The following ARID5B variants were observed in gnomAD, a reference collection of about 807,000 sequenced individuals.
ARID5B encodes AT-rich interaction domain 5B.
ARID5B carries 13 observed loss-of-function variants against 97.2 expected under a neutral mutation model. The ratio of observed to expected loss-of-function variants is 0.13; its 90% confidence interval spans 0.09 to 0.21. The LOEUF (loss-of-function observed/expected upper bound fraction) is 0.21, where lower values mean the gene tolerates loss of function less well. ARID5B is among the 10% of genes least tolerant of loss of function. The pLI is 1.00. For synonymous variants in ARID5B, 556 were observed against 570.3 expected, an observed-to-expected ratio of 0.97 and a Z score of 0.36; for missense variants, 1,210 against 1,465.3, an observed-to-expected ratio of 0.83 and a Z score of 2.84.
intron 4 of ARID5B, among the ~76,000 whole-genome samples, chr10:62,047,949 T>C (rs939005604): frequency 3.9e-5 from 6 of 152,132 alleles, no homozygotes; most frequent in Admixed American, 2.6e-4. Flanking sequence ...CCCCGTACTT[T>C]GAATATTTGT....
At chr10:62,075,797 G>A (rs925884267) in intron 8 of ARID5B, among the ~76,000 whole-genome samples, 1 of 152,232 alleles carries the variant, frequency 6.6e-6, no homozygotes, top group Non-Finnish European at 1.5e-5. Flanking sequence ...GGCAGTGTCA[G>A]TCTATCAACA....
intron 4 of ARID5B, among the ~76,000 whole-genome samples, chr10:62,050,217 A>C (rs1473902671): frequency 6.6e-6 from 1 of 152,232 alleles, no homozygotes; most frequent in Non-Finnish European, 1.5e-5. Flanking sequence ...AATAAGCCTT[A>C]AGATCTTCAT....
chr10:61,959,413 A>C (rs1412603836), intron 3 of ARID5B, among the ~76,000 whole-genome samples: 1 of 152,184 alleles, frequency 6.6e-6, no homozygotes, highest in South Asian at 2.1e-4. Context: ...AGTGTTTGGC[A>C]GGAGATATAC....
chr10:62,003,287 G>A (rs1839104504), intron 4 of ARID5B, among the ~76,000 whole-genome samples: 1 of 152,152 alleles, frequency 6.6e-6, no homozygotes, highest in Admixed American at 6.6e-5. Context: ...CAATGATTAA[G>A]TATTTGATGA....
chr10:62,036,492 G>C (rs1250461411), intron 4 of ARID5B, among the ~76,000 whole-genome samples: 2 of 152,214 alleles, frequency 1.3e-5, no homozygotes, highest in African/African-American at 4.8e-5. Context: ...ATTTGGGTCT[G>C]AGCAAACAGC....
chr10:62,036,442 T>G (rs1322090807), intron 4 of ARID5B, among the ~76,000 whole-genome samples: 11 of 152,252 alleles, frequency 7.2e-5, no homozygotes, highest in Non-Finnish European at 1.5e-4. Context: ...CAGAGCACTT[T>G]CCTGATGGCT....
chr10:61,949,010 T>C (rs975666206), intron 3 of ARID5B, among the ~76,000 whole-genome samples: 2 of 152,176 alleles, frequency 1.3e-5, no homozygotes, highest in Non-Finnish European at 2.9e-5. Context: ...ATGAACATCG[T>C]TGTTAATATG....
At chr10:61,968,187 T>TACACACAC (rs33990104) in intron 3 of ARID5B, among the ~76,000 whole-genome samples, 2 of 138,190 alleles carry the variant, frequency 1.4e-5, no homozygotes, top group African/African-American at 2.7e-5. Context: ...CACATATTTA[T>TACACACAC]ACACACACAC....
rs760147233 is a variant in ARID5B, at chr10:62,091,130, T to A, written c.1667T>A (p.Val556Asp). Residue 556 changes from valine to aspartate, a missense_variant, in exon 10 of 10, where the codon GTC (valine) becomes GAC (aspartate). Coordinates refer to ENST00000279873, the MANE Select transcript of ARID5B (RefSeq NM_032199.3). ...GCCCCAGAAAAAGATTCAGCCTTGG[T>A]CCCTGGGGCCAGCAAACAGCCACTC... ...PLAPEKDSALVPGASKQPLTS... is the reference protein window; with the variant it reads ...PLAPEKDSALDPGASKQPLTS... 2.5e-6 allele frequency: 4 copies of A among 1,614,098 alleles called. No homozygotes were observed. The Admixed American group carries it at 6.7e-5, about 27-fold the overall frequency.
At chr10:62,067,579 C>T (rs1840010739) in intron 7 of ARID5B, among the ~76,000 whole-genome samples, 1 of 152,226 alleles carries the variant, frequency 6.6e-6, no homozygotes, top group Non-Finnish European at 1.5e-5. Context: ...CAGTTACCTG[C>T]CTCATTTGAA....
intron 4 of ARID5B, among the ~76,000 whole-genome samples, chr10:62,038,138 C>T (rs1839588686): frequency 6.6e-6 from 1 of 152,138 alleles, no homozygotes; most frequent in Non-Finnish European, 1.5e-5. Flanking sequence ...GGTTTGTTTG[C>T]TTTCTGGGGA....
intron 5 of ARID5B, 151 bp downstream of exon 5, chr10:62,051,151 G>T (rs777512969): frequency 1.4e-6 from 1 of 737,700 alleles, no homozygotes; most frequent in South Asian, 1.5e-5. Context: ...TGCTGTGCCT[G>T]TTCCTGCCAC....
chr10:61,903,163 G>T (rs1843645616), intron 2 of ARID5B, among the ~76,000 whole-genome samples: 1 of 152,074 alleles, frequency 6.6e-6, no homozygotes, highest in Non-Finnish European at 1.5e-5. Flanking sequence ...ATCTTTGGGG[G>T]TGTGTGGGAC....
intron 2 of ARID5B, among the ~76,000 whole-genome samples, chr10:61,917,441 C>T (rs114894759): frequency 3.3e-5 from 5 of 152,084 alleles, no homozygotes; most frequent in Non-Finnish European, 7.4e-5. Flanking sequence ...ATTCTCTCTA[C>T]GTCAGCCCCG....
At chr10:61,905,458 T>C (rs76225169) in intron 2 of ARID5B, among the ~76,000 whole-genome samples, 1 of 151,862 alleles carries the variant, frequency 6.6e-6, no homozygotes. Context: ...TTTTTTTTTT[T>C]GGAATATTTT....
intron 9 of ARID5B, among the ~76,000 whole-genome samples, chr10:62,089,385 T>A (rs1840336310): frequency 6.6e-6 from 1 of 152,136 alleles, no homozygotes; most frequent in South Asian, 2.1e-4. Context: ...TTAAAACTTT[T>A]GTTCCCACGT....
chr10:61,974,132 A>G (rs546532481), intron 3 of ARID5B, among the ~76,000 whole-genome samples: 1 of 152,344 alleles, frequency 6.6e-6, no homozygotes, highest in East Asian at 1.9e-4. Context: ...GCTTGGTGAC[A>G]GCAAAGGGAG....
intron 3 of ARID5B, among the ~76,000 whole-genome samples, chr10:61,998,278 C>T (rs1359491664): frequency 1.3e-5 from 2 of 152,252 alleles, no homozygotes; most frequent in Non-Finnish European, 2.9e-5. Flanking sequence ...TCGTCTCCCA[C>T]TGGTTACCAG....
At chr10:62,080,247 G>A (rs547286826) in intron 8 of ARID5B, among the ~76,000 whole-genome samples, 3 of 152,174 alleles carry the variant, frequency 2.0e-5, no homozygotes, top group Non-Finnish European at 4.4e-5. Context: ...TGTCACACTC[G>A]GCACACTATT....
Sources: allele counts gnomAD v4.1 joint callset (sites outside exome capture counted in the v4.1 genomes callset), GRCh38; gene constraint gnomAD v4.1.1; transcripts MANE v1.5; gene names NCBI Gene and HGNC (gene_info 2026-07-23, HGNC 2026-07-21).